The following INHBE variants were observed in gnomAD, a reference collection of about 807,000 sequenced individuals.
INHBE encodes inhibin subunit beta E.
INHBE carries 19 observed loss-of-function variants against 27.8 expected under a neutral mutation model. The observed-to-expected ratio is 0.68, with a 90% confidence interval of 0.48 to 1.00. The LOEUF is 1.00. INHBE is among the 50% of genes least tolerant of loss of function. The pLI is 0.00. For missense variants in INHBE, 398 were observed against 433.9 expected (o/e 0.92, Z 0.73); for synonymous variants, 196 against 187.2 (o/e 1.05, Z -0.38).
intron 1 of INHBE, 61 bp from the exon 2 acceptor site, chr12:57,456,033 G>T: frequency 1.9e-6 from 3 of 1,545,554 alleles, no homozygotes; most frequent in Non-Finnish European, 2.6e-6. Flanking sequence ...GGCTTGGGGA[G>T]TCTCAGAGGA....
chr12:57,456,588 A>T lies in INHBE; in HGVS notation c.793A>T (p.Ile265Leu). The T allele has an allele frequency of 6.2e-7, 1 of 1,614,094 alleles. No homozygotes were observed. Among genetic ancestry groups the T allele is most frequent in the Non-Finnish European group, 8.5e-7 (1 of 1,180,008 alleles). Residue 265 changes from isoleucine to leucine, a missense_variant, in exon 2 of 2, where the codon ATA (isoleucine) becomes TTA (leucine). Ile to Leu is a conservative substitution (Grantham distance 5, BLOSUM62 2). Transcript: ENST00000266646. ...CCAGGAACTGGGATGGCGGGACTGGATACTGCAGCCCGAGGGGTACCAGCT... is the reference window on the plus strand; with the variant it reads ...CCAGGAACTGGGATGGCGGGACTGGTTACTGCAGCCCGAGGGGTACCAGCT... ...DFQELGWRDW[I>L]LQPEGYQLNY...
Position 57,455,566 on chromosome 12 carries a change from G to C in INHBE, c.30G>C (p.Leu10=), listed in dbSNP as rs1870805403. Reference sequence around the variant, plus strand: ...GGCTCCCTGATGTCCAGCTCTGGCTGGTGCTGCTGTGGGCACTGGTGCGAG... The same window carrying C: ...GGCTCCCTGATGTCCAGCTCTGGCTCGTGCTGCTGTGGGCACTGGTGCGAG... The part of the protein sequence containing the change: MRLPDVQLW[L]VLLWALVRAQ... The change falls in exon 1 of 2, where the codon CTG becomes CTC. Residue 10 remains leucine (L), a synonymous_variant. Coordinates refer to ENST00000266646, the MANE Select transcript of INHBE (RefSeq NM_031479.5). 3.1e-6 allele frequency: 5 copies of C among 1,612,216 alleles called. No homozygotes were observed. The highest frequency in any genetic ancestry group is 3.4e-6 in the Non-Finnish European group (4 of 1,178,896).
intron 1 of INHBE, 75 bp from the exon 2 acceptor site, chr12:57,456,019 G>T: frequency 6.6e-7 from 1 of 1,519,178 alleles, no homozygotes; most frequent in Non-Finnish European, 8.9e-7. Flanking sequence ...AGAGCAGTGG[G>T]CAGGGCTTGG....
In INHBE at chr12:57,456,540, A is replaced by C. The variant is rs1258739897; in HGVS notation, c.745A>C (p.Arg249=). Reference sequence around the variant, plus strand: ...TGAGCCTGCGACCCCCTTATGTTGCAGGCGAGACCATTACGTAGACTTCCA... The same window carrying C: ...TGAGCCTGCGACCCCCTTATGTTGCCGGCGAGACCATTACGTAGACTTCCA... The part of the protein sequence containing the change: ...TCEPATPLCC[R]RDHYVDFQEL... The change falls in exon 2 of 2, where the codon AGG becomes CGG. Residue 249 remains arginine, a synonymous_variant. Transcript: ENST00000266646. 1.2e-6 allele frequency: 2 copies of C among 1,614,186 alleles called. No individual in the cohort carries two copies. Among genetic ancestry groups the C allele is most frequent in the Non-Finnish European group, 1.7e-6 (2 of 1,180,026 alleles).
Position 57,457,450 on chromosome 12 carries a change from T to G in INHBE, c.*602T>G, listed in dbSNP as rs576481362. The G allele has an allele frequency of 1.4e-5, 2 of 146,950 alleles. No homozygotes were observed. Among genetic ancestry groups the G allele is most frequent in the Non-Finnish European group, 3.0e-5 (2 of 67,164 alleles). The allele number at this position is 146,950 out of a possible 1,614,324, so 9.1% of individuals were successfully genotyped here. A position where few individuals can be genotyped will look rare whatever the true frequency, so the allele number is the denominator to read the frequency against. On this transcript the variant is annotated 3_prime_UTR_variant, in exon 2 of 2. Transcript: ENST00000266646. ...TGGGAGACAAGCATTTATACTTTCTTTCTTCTTTTTTATTTTTTTGAGATC... is the reference window on the plus strand; with the variant it reads ...TGGGAGACAAGCATTTATACTTTCTGTCTTCTTTTTTATTTTTTTGAGATC...
At position 57,455,457 on chromosome 12, in the gene INHBE, C is replaced by T; in HGVS notation, c.-80C>T. 9 of 1,406,732 alleles carry T rather than the reference C, an allele frequency of 6.4e-6. No homozygotes were observed. The highest frequency in any genetic ancestry group is 7.8e-6 in the Non-Finnish European group (8 of 1,028,062). The allele number at this position is 1,406,732 out of a possible 1,614,324, so 87.1% of individuals were successfully genotyped here. ...GTGGTGTCTGCTGTCACTGTGCCCT[C>T]ATTGGCCCCCAGCAATCAGACTCAA... On this transcript the variant is annotated 5_prime_UTR_variant, in exon 1 of 2. Transcript: ENST00000266646.
intron 1 of INHBE, 40 bp downstream of exon 1, chr12:57,455,874 GA>G: frequency 6.3e-7 from 1 of 1,585,610 alleles, no homozygotes; most frequent in Non-Finnish European, 8.6e-7. Flanking sequence ...AGCAGACAGG[GA>G]AAGGGAGGCA....
At position 57,455,591 on chromosome 12, in the gene INHBE, G is replaced by C. The variant is rs751731253; in HGVS notation, c.55G>C (p.Ala19Pro). The C allele has an allele frequency of 6.2e-7, 1 of 1,613,882 alleles. No homozygotes were observed. The highest frequency in any genetic ancestry group is 1.1e-5 in the South Asian group (1 of 91,070). ...WLVLLWALVR[A>P]QGTGSVCPSC... is the part of the protein sequence containing the mutation. ...GGTGCTGCTGTGGGCACTGGTGCGA[G>C]CACAGGGGACAGGGTCTGTGTGTCC... Residue 19 changes from alanine (A) to proline (P), a missense_variant, in exon 1 of 2, where the codon GCA becomes CCA. Physicochemically the swap from Ala to Pro is conservative, Grantham distance 27. Transcript: ENST00000266646.
At position 57,456,148 on chromosome 12, in the gene INHBE, C is replaced by T. The variant is rs145132595; in HGVS notation, c.353C>T (p.Ser118Phe). The change falls in exon 2 of 2, where the codon TCC (serine) becomes TTC (phenylalanine). Residue 118 changes from serine (S) to phenylalanine (F), a missense_variant. Coordinates refer to ENST00000266646, the MANE Select transcript of INHBE (RefSeq NM_031479.5). ...ACTTTTCACCTGTCCACTCCTCGGT[C>T]CCACCACCTGTACCATGCCCGCCTG... ...LLTFHLSTPRSHHLYHARLWL... is the reference protein window; with the variant it reads ...LLTFHLSTPRFHHLYHARLWL... The T allele has an allele frequency of 1.3e-4, 203 of 1,614,072 alleles. No homozygotes were observed. In the African/African-American group the frequency reaches 2.5e-3, roughly 19 times the overall value.
Position 57,457,418 on chromosome 12 carries a change from G to A in INHBE, c.*570G>A, listed in dbSNP as rs2139840722. The A allele has an allele frequency of 6.6e-6, 1 of 152,528 alleles. No individual in the cohort carries two copies. Among genetic ancestry groups the A allele is most frequent in the South Asian group, 2.1e-4 (1 of 4,816 alleles). 9.4% of individuals were successfully genotyped at this position (152,528 alleles called of 1,614,324 possible). ...TTCCCTGGTTTTTCCCAGGGGACAG[G>A]ACCCACTGGGAGACAAGCATTTATA... On this transcript the variant is annotated 3_prime_UTR_variant, in exon 2 of 2. Coordinates refer to ENST00000266646, the MANE Select transcript of INHBE (RefSeq NM_031479.5).
Position 57,456,461 on chromosome 12 carries a change from G to T in INHBE, c.666G>T (p.Lys222Asn). The change falls in exon 2 of 2, where the codon AAG becomes AAT. Residue 222 changes from lysine (K) to asparagine (N), a missense_variant. Physicochemically the swap from Lys to Asn is moderately conservative, Grantham distance 94 (BLOSUM62 0). Transcript: ENST00000266646. Reference sequence around the variant, plus strand: ...ACCAGCAGCCCTTCCTAGAGCTTAAGATCCGAGCCAATGAGCCTGGAGCAG... The same window carrying T: ...ACCAGCAGCCCTTCCTAGAGCTTAATATCCGAGCCAATGAGCCTGGAGCAG... Reference protein sequence around the residue: ...AGHQQPFLELKIRANEPGAGR... With the variant: ...AGHQQPFLELNIRANEPGAGR... The T allele has an allele frequency of 1.9e-6, 3 of 1,614,124 alleles. No homozygotes were observed. Among genetic ancestry groups the T allele is most frequent in the Non-Finnish European group, 1.7e-6 (2 of 1,180,032 alleles).
chr12:57,455,732 C>T lies in INHBE; in HGVS notation c.196C>T (p.Pro66Ser). Residue 66 changes from proline to serine, a missense_variant, in exon 1 of 2, where the codon CCT becomes TCT. Transcript: ENST00000266646. ...HLTSRPRITH[P>S]PPQAALTRAL... ...GACCAGTCGTCCCAGAATAACTCAT[C>T]CTCCACCCCAGGCAGCGCTGACCAG... is the stretch of plus-strand genomic sequence containing the variant. 2 of 1,614,032 alleles carry T rather than the reference C, an allele frequency of 1.2e-6. No homozygotes were observed. Among genetic ancestry groups the T allele is most frequent in the Non-Finnish European group, 1.7e-6 (2 of 1,179,966 alleles).
rs989918842 is a variant in INHBE, at chr12:57,456,941, C to T, written c.*93C>T. On this transcript the variant is annotated 3_prime_UTR_variant, in exon 2 of 2. Transcript: ENST00000266646. ...CTGGAGGCATCAGATTCCTGATCCACACCCCAACCCAACAACCACCTGGCA... is the reference window on the plus strand; with the variant it reads ...CTGGAGGCATCAGATTCCTGATCCATACCCCAACCCAACAACCACCTGGCA... 2.2e-6 allele frequency: 3 copies of T among 1,390,920 alleles called. No homozygotes were observed. The highest frequency in any genetic ancestry group is 2.9e-6 in the Non-Finnish European group (3 of 1,027,426). The allele number at this position is 1,390,920 out of a possible 1,614,324, so 86.2% of individuals were successfully genotyped here.
At position 57,455,714 on chromosome 12, in the gene INHBE, C is replaced by T. The variant is rs554202675; in HGVS notation, c.178C>T (p.Arg60Cys). 12 of 1,614,040 alleles carry T rather than the reference C, an allele frequency of 7.4e-6. No individual in the cohort carries two copies. The highest frequency in any genetic ancestry group is 3.3e-5 in the Admixed American group (2 of 60,008). Residue 60 changes from arginine (R) to cysteine (C), a missense_variant, in exon 1 of 2, where the codon CGT becomes TGT. Transcript: ENST00000266646. ...QILDGLHLTSRPRITHPPPQA... is the reference protein window; with the variant it reads ...QILDGLHLTSCPRITHPPPQA... ...CCTGGATGGGTTGCACCTGACCAGT[C>T]GTCCCAGAATAACTCATCCTCCACC... is the stretch of plus-strand genomic sequence containing the variant.
At position 57,456,636 on chromosome 12, in the gene INHBE, C is replaced by G; in HGVS notation, c.841C>G (p.Pro281Ala). 6.2e-7 allele frequency: 1 copy of G among 1,614,136 alleles called. No individual in the cohort carries two copies. Among genetic ancestry groups the G allele is most frequent in the Non-Finnish European group, 8.5e-7 (1 of 1,180,010 alleles). Residue 281 changes from proline to alanine, a missense_variant, in exon 2 of 2, where the codon CCT becomes GCT. Pro to Ala is a conservative substitution (Grantham distance 27, BLOSUM62 -1). Transcript: ENST00000266646. ...YQLNYCSGQC[P>A]PHLAGSPGIA... is the part of the protein sequence containing the mutation. ...GCTGAATTACTGCAGTGGGCAGTGC[C>G]CTCCCCACCTGGCTGGCAGCCCAGG...
Position 57,457,941 on chromosome 12 carries a change from T to G in INHBE, c.*1093T>G, listed in dbSNP as rs1846395141. 1.3e-5 allele frequency: 2 copies of G among 152,172 alleles called. 1 individual carries two copies. The highest frequency in any genetic ancestry group is 4.1e-4 in the South Asian group (2 of 4,832). The allele number at this position is 152,172 out of a possible 1,614,324, so 9.4% of individuals were successfully genotyped here. ...CTTTTGAATTCTCATTATCTTAAAA[T>G]TGTATTGTGGAGTTTTCCAGAGGCC... On this transcript the variant is annotated 3_prime_UTR_variant, in exon 2 of 2. Coordinates refer to ENST00000266646, the MANE Select transcript of INHBE (RefSeq NM_031479.5).
Position 57,456,244 on chromosome 12 carries a change from G to A in INHBE, c.449G>A (p.Arg150Lys). The A allele has an allele frequency of 6.2e-7, 1 of 1,614,124 alleles. No individual in the cohort carries two copies. The highest frequency in any genetic ancestry group is 8.5e-7 in the Non-Finnish European group (1 of 1,180,022). ...ATCTTCCGATGGGGACCAAGGAGGA[G>A]GCGCCAAGGGTCCCGCACTCTCCTG... ...LRIFRWGPRR[R>K]RQGSRTLLAE... The change falls in exon 2 of 2, where the codon AGG (arginine) becomes AAG (lysine). Residue 150 changes from arginine to lysine, a missense_variant. Physicochemically the swap from Arg to Lys is conservative, Grantham distance 26. Transcript: ENST00000266646.
Position 57,456,507 on chromosome 12 carries a change from C to T in INHBE, c.712C>T (p.Pro238Ser). The T allele has an allele frequency of 1.2e-6, 2 of 1,614,136 alleles. No homozygotes were observed. The highest frequency in any genetic ancestry group is 1.7e-6 in the Non-Finnish European group (2 of 1,180,018). Residue 238 changes from proline to serine, a missense_variant, in exon 2 of 2, where the codon CCC (proline) becomes TCC (serine). Physicochemically the swap from Pro to Ser is moderately conservative, Grantham distance 74. Coordinates refer to ENST00000266646, the MANE Select transcript of INHBE (RefSeq NM_031479.5). ...PGAGRARRRT[P>S]TCEPATPLCC... ...AGCAGGCCGGGCCAGGAGGAGGACC[C>T]CCACCTGTGAGCCTGCGACCCCCTT...
chr12:57,455,443 T>C lies in INHBE; in HGVS notation c.-94T>C. 7.9e-7 allele frequency: 1 copy of C among 1,258,962 alleles called. No homozygotes were observed. The highest frequency in any genetic ancestry group is 1.1e-6 in the Non-Finnish European group (1 of 900,658). The allele number at this position is 1,258,962 out of a possible 1,614,324, so 78.0% of individuals were successfully genotyped here. A position where few individuals can be genotyped will look rare whatever the true frequency, so the allele number is the denominator to read the frequency against. ...GGGTAGGTGTGGCAGTGGTGTCTGCTGTCACTGTGCCCTCATTGGCCCCCA... is the reference window on the plus strand; with the variant it reads ...GGGTAGGTGTGGCAGTGGTGTCTGCCGTCACTGTGCCCTCATTGGCCCCCA... On this transcript the variant is annotated 5_prime_UTR_variant, in exon 1 of 2. Transcript: ENST00000266646.
Sources: gnomAD v4.1 joint callset for allele counts on GRCh38, gnomAD v4.1.1 for gene constraint, MANE v1.5 for transcripts, NCBI Gene and HGNC (gene_info 2026-07-23, HGNC 2026-07-21) for gene names.